Variants in SRPRB observed in about 807,000 individuals in gnomAD.
SRPRB encodes SRP receptor subunit beta.
A neutral mutation model predicts 31.9 loss-of-function variants in SRPRB; 20 were observed. The ratio of observed to expected loss-of-function variants is 0.63; its 90% CI spans 0.44 to 0.91. The LOEUF is 0.91. Ranked by LOEUF, SRPRB falls within the 40% of genes least tolerant of loss-of-function variation. The probability of loss-of-function intolerance (pLI) is 0.00; values close to 1 mark genes in which losing one functional copy is unlikely to be tolerated. For missense variants in SRPRB, 321 were observed against 324.9 expected, an observed-to-expected ratio of 0.99 and a Z score of 0.09; for synonymous variants, 146 against 132.8, an observed-to-expected ratio of 1.10 and a Z score of -0.68.
chr3:133,816,264 A>C (rs892083505), intron 5 of SRPRB, among the ~76,000 whole-genome samples: 1 of 152,250 alleles, frequency 6.6e-6, no homozygotes, highest in African/African-American at 2.4e-5. Flanking sequence ...GATTCTATGA[A>C]GAGTTCAAGG....
Position 133,805,977 on chromosome 3 carries a change from G to C in SRPRB, c.129G>C (p.Ala43=). 1 of 1,613,162 alleles carries C rather than the reference G, an allele frequency of 6.2e-7. No homozygotes were observed. The highest frequency in any genetic ancestry group is 2.2e-5 in the East Asian group (1 of 44,786). Residue 43 remains alanine (A), a synonymous_variant, in exon 1 of 7, where the codon GCG becomes GCC. Coordinates refer to ENST00000678299, the MANE Select transcript of SRPRB (RefSeq NM_001379313.1). ...CAACGCTGTTGTCAGTAGTGGTGGC[G>C]GTTCTTGCGGTGCTGCTGACGCTAG... ...TDPTLLSVVV[A]VLAVLLTLVF...
At chr3:133,803,771 C>T (rs1935097359), upstream of SRPRB, among the ~76,000 whole-genome samples, 1 of 151,352 alleles carries the variant, frequency 6.6e-6, no homozygotes, top group African/African-American at 2.4e-5. Context: ...GGCTCAAGCG[C>T]TCCTGCCTCA....
In SRPRB at chr3:133,807,826, A is replaced by T. The variant is rs370397160; in HGVS notation, c.327+3A>T. The T allele has an allele frequency of 6.2e-7, 1 of 1,604,566 alleles. No homozygotes were observed. The highest frequency in any genetic ancestry group is 8.5e-7 in the Non-Finnish European group (1 of 1,177,148). On this transcript the variant is annotated splice_donor_region_variant and intron_variant, in intron 3 of 6. Transcript: ENST00000678299. ...TATACAGAGTCAACAATAACAGGGT[A>T]AGATGTTTGTGGAGTTTTGGAGTCT...
At chr3:133,797,235 T>G (rs1934990360) in intron 1 of SRPRB, among the ~76,000 whole-genome samples, 1 of 152,232 alleles carries the variant, frequency 6.6e-6, no homozygotes, top group African/African-American at 2.4e-5. Context: ...CACTTTGTGT[T>G]AAAAATTCAT....
chr3:133,805,562 A>T, upstream of SRPRB: 15 of 216,922 alleles, frequency 6.9e-5, no homozygotes, highest in Non-Finnish European at 1.0e-4. Context: ...CATTCATTTT[A>T]TTCATTTCAT....
intron 3 of SRPRB, among the ~76,000 whole-genome samples, chr3:133,808,037 T>C (rs1935194620): frequency 1.3e-5 from 2 of 152,222 alleles, no homozygotes; most frequent in South Asian, 4.1e-4. Flanking sequence ...TAATGTACAG[T>C]AATGTTATAT....
chr3:133,810,454 G>A (rs895982803), intron 3 of SRPRB: 1 of 152,176 alleles, frequency 6.6e-6, no homozygotes, highest in African/African-American at 2.4e-5. Flanking sequence ...CTTATATTCA[G>A]GAATGGCAGC....
At chr3:133,805,733 C>T (rs1390146188), upstream of SRPRB, 4 of 1,384,844 alleles carry the variant, frequency 2.9e-6, no homozygotes, top group Non-Finnish European at 3.8e-6. Flanking sequence ...ATCGCCGCGG[C>T]TGAGGGAGAG....
At position 133,806,653 on chromosome 3, in the gene SRPRB, GTTC is replaced by G. The variant is rs767427551; in HGVS notation, c.205_207del (p.Leu69del). The G allele has an allele frequency of 2.9e-5, 47 of 1,614,014 alleles. No individual in the cohort carries two copies. The highest frequency in any genetic ancestry group is 5.5e-5 in the South Asian group (5 of 91,084). On this transcript the variant is annotated inframe_deletion, in exon 2 of 7. Coordinates refer to ENST00000678299, the MANE Select transcript of SRPRB (RefSeq NM_001379313.1). ...GAGCAGAAGGAGCAGTCAGAGAGCT[GTTC>G]TTCTTGTTGGCCTTTGTGATTCCGG...
chr3:133,811,376 G>T (rs923679987), intron 4 of SRPRB, among the ~76,000 whole-genome samples, 177 bp downstream of exon 4: 57 of 152,066 alleles, frequency 3.7e-4, no homozygotes, highest in Non-Finnish European at 4.6e-4. Context: ...TGGATGATGA[G>T]GATTTTATGG....
chr3:133,797,682 G>A (rs897323968), intron 1 of SRPRB, among the ~76,000 whole-genome samples: 5 of 152,202 alleles, frequency 3.3e-5, no homozygotes, highest in Non-Finnish European at 7.3e-5. Flanking sequence ...TTCTGGGCCC[G>A]TGAGTTAGAT....
chr3:133,824,624 A>C (rs1935527734), downstream of SRPRB: 1 of 152,220 alleles, frequency 6.6e-6, no homozygotes, highest in South Asian at 2.1e-4. Flanking sequence ...TAAATAGTTC[A>C]TGTCAAACAA....
At chr3:133,819,248 C>T (rs891324904) in intron 6 of SRPRB, among the ~76,000 whole-genome samples, 4 of 152,042 alleles carry the variant, frequency 2.6e-5, no homozygotes, top group Non-Finnish European at 4.4e-5. Context: ...TATTTTTAGA[C>T]GGCTTCATTC....
intron 2 of SRPRB, 86 bp downstream of exon 2, chr3:133,806,789 TA>T (rs1260018398): frequency 8.6e-5 from 91 of 1,055,062 alleles, no homozygotes; most frequent in Middle Eastern, 6.5e-4. Flanking sequence ...GTTTATTTTG[TA>T]AAAGAAGCTG....
chr3:133,822,209 G>A (rs1040007578), downstream of SRPRB, among the ~76,000 whole-genome samples: 2 of 152,088 alleles, frequency 1.3e-5, no homozygotes, highest in Non-Finnish European at 2.9e-5. Flanking sequence ...AGACTTTTGA[G>A]CTTGAAACAC....
intron 1 of SRPRB, chr3:133,789,574 G>A (rs1383094607): frequency 1.3e-5 from 2 of 152,178 alleles, no homozygotes; most frequent in African/African-American, 2.4e-5. Context: ...GTATACACAT[G>A]TCTAGATGTG....
chr3:133,801,518 C>A (rs1055787319), upstream of SRPRB, among the ~76,000 whole-genome samples: 28 of 152,054 alleles, frequency 1.8e-4, 1 homozygote, highest in Admixed American at 1.8e-3. Context: ...CTTTTTTCTT[C>A]CTTTCCCAAC....
chr3:133,803,714 G>T (rs965604430), upstream of SRPRB, among the ~76,000 whole-genome samples: 1 of 151,406 alleles, frequency 6.6e-6, no homozygotes, highest in Non-Finnish European at 1.5e-5. Flanking sequence ...GCCCAGGCTG[G>T]AGTGCAGTGG....
chr3:133,803,639 A>G (rs530285779), upstream of SRPRB, among the ~76,000 whole-genome samples: 8 of 151,340 alleles, frequency 5.3e-5, no homozygotes, highest in Admixed American at 4.0e-4. Context: ...CACATTAGTA[A>G]TAAAGGAAGA....
Sources: allele counts gnomAD v4.1 joint callset (sites outside exome capture counted in the v4.1 genomes callset), GRCh38; gene constraint gnomAD v4.1.1; transcripts MANE v1.5; gene names NCBI Gene and HGNC (gene_info 2026-07-23, HGNC 2026-07-21).